Variants in SPIDR observed in about 807,000 individuals in gnomAD.
The protein encoded by SPIDR is DNA repair-scaffolding protein.
Under a neutral mutation model 104.6 loss-of-function variants are expected in SPIDR, and 93 were observed. The ratio of observed to expected loss-of-function variants is 0.89; its 90% CI spans 0.75 to 1.06. The LOEUF (loss-of-function observed/expected upper bound fraction) is 1.06. Among genes scored for constraint, SPIDR ranks in the 50% least tolerant of loss-of-function variants. The pLI, the probability that SPIDR is intolerant of heterozygous loss-of-function variation, is 0.00. For synonymous variants in SPIDR, 431 were observed against 416.9 expected (o/e 1.03, Z -0.41); for missense variants, 1,154 against 1,111.2 (o/e 1.04, Z -0.55).
Position 47,279,986 on chromosome 8 carries a change from G to A in SPIDR, c.158G>A (p.Gly53Glu). Residue 53 changes from glycine to glutamate, a missense_variant, in exon 2 of 20, where the codon GGA (glycine) becomes GAA (glutamate). By Grantham distance (98) the Gly-to-Glu change is moderately conservative. Coordinates refer to ENST00000297423, the MANE Select transcript of SPIDR (RefSeq NM_001080394.4). ...ASLSEAWLRC[G>E]EGFQNTSGNP... ...CTCTCTGAAGCATGGCTCAGGTGTG[G>A]AGAAGGGTTTCAGAACACTTCTGGG... 6.2e-7 allele frequency: 1 copy of A among 1,614,132 alleles called. No homozygotes were observed. Among genetic ancestry groups the A allele is most frequent in the Non-Finnish European group, 8.5e-7 (1 of 1,180,008 alleles).
chr8:47,276,259 TCTAGATA>T (rs2036406952), intron 1 of SPIDR, among the ~76,000 whole-genome samples: 1 of 152,204 alleles, frequency 6.6e-6, no homozygotes, highest in African/African-American at 2.4e-5. Flanking sequence ...TTTGTATAGC[TCTAGATA>T]TATTCTGTAC....
intron 8 of SPIDR, among the ~76,000 whole-genome samples, chr8:47,480,387 A>T (rs190633310): frequency 1.1e-3 from 168 of 152,336 alleles, no homozygotes; most frequent in African/African-American, 3.7e-3. Flanking sequence ...TGATTAGATG[A>T]GTATGTCCTA....
intron 8 of SPIDR, chr8:47,546,832 C>T (rs1040565639): frequency 7.4e-6 from 2 of 270,952 alleles, no homozygotes; most frequent in Non-Finnish European, 1.5e-5. Context: ...CTGCCAGTCT[C>T]TTGTCTCCGT....
At chr8:47,467,275 T>C (rs985431753) in intron 8 of SPIDR, among the ~76,000 whole-genome samples, 4 of 152,294 alleles carry the variant, frequency 2.6e-5, no homozygotes, top group Non-Finnish European at 2.9e-5. Flanking sequence ...AGCTGAATTC[T>C]ACCAGATGTA....
intron 5 of SPIDR, among the ~76,000 whole-genome samples, chr8:47,384,639 G>A (rs1222494849): frequency 2.0e-5 from 3 of 152,022 alleles, no homozygotes; most frequent in African/African-American, 4.8e-5. Flanking sequence ...CCTGTATTGC[G>A]GGAGGCGGTT....
chr8:47,334,629 A>C (rs1207706416), intron 5 of SPIDR, among the ~76,000 whole-genome samples: 4 of 152,068 alleles, frequency 2.6e-5, no homozygotes, highest in South Asian at 2.1e-4. Context: ...CAATCCATTT[A>C]CTTTTAGTTT....
intron 11 of SPIDR, among the ~76,000 whole-genome samples, chr8:47,693,658 G>C (rs1173721556): frequency 1.3e-5 from 2 of 152,248 alleles, no homozygotes; most frequent in South Asian, 4.2e-4. Flanking sequence ...ATTCTCGTGA[G>C]GACACAAAAC....
intron 10 of SPIDR, among the ~76,000 whole-genome samples, chr8:47,640,840 G>GC: frequency 2.9e-5 from 1 of 34,924 alleles, no homozygotes; most frequent in Non-Finnish European, 5.0e-5. Context: ...GCCACACCCA[G>GC]CTTTTTTTTT....
chr8:47,284,524 A>G (rs1323426985), intron 3 of SPIDR, among the ~76,000 whole-genome samples: 3 of 152,230 alleles, frequency 2.0e-5, no homozygotes, highest in South Asian at 2.1e-4. Context: ...TTCAATAAGT[A>G]GTAGAAAACT....
intron 7 of SPIDR, among the ~76,000 whole-genome samples, chr8:47,423,702 G>C (rs1190123680): frequency 1.3e-5 from 2 of 152,346 alleles, no homozygotes; most frequent in East Asian, 1.9e-4. Flanking sequence ...GGCATGGGGT[G>C]GGCAGGGGAG....
chr8:47,278,400 G>T (rs2037032097), intron 1 of SPIDR, among the ~76,000 whole-genome samples: 1 of 150,658 alleles, frequency 6.6e-6, no homozygotes, highest in Non-Finnish European at 1.5e-5. Flanking sequence ...GCTCACTGCA[G>T]CCTTGACCTC....
At chr8:47,479,692 C>G (rs2076678699) in intron 8 of SPIDR, among the ~76,000 whole-genome samples, 1 of 152,174 alleles carries the variant, frequency 6.6e-6, no homozygotes, top group South Asian at 2.1e-4. Flanking sequence ...CTTTTCAGAC[C>G]AGGAAGGGAG....
intron 8 of SPIDR, among the ~76,000 whole-genome samples, chr8:47,498,109 C>T (rs2079738166): frequency 6.6e-6 from 1 of 152,150 alleles, no homozygotes. Context: ...CTGTAACTTT[C>T]AATGTTGAAA....
chr8:47,635,515 T>A (rs1003695892), intron 10 of SPIDR, among the ~76,000 whole-genome samples: 3 of 151,776 alleles, frequency 2.0e-5, no homozygotes, highest in Admixed American at 6.6e-5. Flanking sequence ...CCTCAAAATT[T>A]AAAAAAAATA....
intron 10 of SPIDR, among the ~76,000 whole-genome samples, chr8:47,601,196 G>A (rs922493310): frequency 1.3e-5 from 2 of 152,036 alleles, no homozygotes; most frequent in Non-Finnish European, 2.9e-5. Context: ...GTTATTCAGA[G>A]TTAATGAATA....
chr8:47,631,044 G>GC (rs1386021822), intron 10 of SPIDR, among the ~76,000 whole-genome samples: 2 of 152,190 alleles, frequency 1.3e-5, no homozygotes, highest in African/African-American at 4.8e-5. Context: ...CAGGATGAGG[G>GC]CGTCGGAGGG....
chr8:47,263,718 A>T (rs997926638), intron 1 of SPIDR, among the ~76,000 whole-genome samples: 1 of 152,180 alleles, frequency 6.6e-6, no homozygotes, highest in Non-Finnish European at 1.5e-5. Context: ...CTTGGTTTGG[A>T]ATAATGCCAG....
intron 5 of SPIDR, among the ~76,000 whole-genome samples, chr8:47,350,039 C>T (rs987837232): frequency 6.6e-5 from 10 of 152,320 alleles, no homozygotes; most frequent in Middle Eastern, 3.4e-3. Context: ...AGAAATCACC[C>T]GTCTTCTGCG....
At chr8:47,266,040 A>C in intron 1 of SPIDR, among the ~76,000 whole-genome samples, 2 of 149,090 alleles carry the variant, frequency 1.3e-5, no homozygotes, top group Non-Finnish European at 1.5e-5. Flanking sequence ...GTGAGCCACC[A>C]TGCCCGGTCT....
Sources: gnomAD v4.1 joint callset for allele counts (sites outside exome capture counted in the v4.1 genomes callset) on GRCh38, gnomAD v4.1.1 for gene constraint, MANE v1.5 for transcripts, NCBI Gene and HGNC (gene_info 2026-07-23, HGNC 2026-07-21) for gene names.